SPTAN1: variants seen among roughly 807,000 people sequenced by gnomAD.
SPTAN1 encodes spectrin alpha, non-erythrocytic 1.
A neutral mutation model predicts 331.3 loss-of-function variants in SPTAN1; 61 were observed. That is an observed-to-expected ratio of 0.18 (90% CI 0.15 to 0.23). The LOEUF is 0.23. SPTAN1 is among the 10% of genes least tolerant of loss of function. SPTAN1 has a pLI of 1.00. For missense variants in SPTAN1, 2,043 were observed against 3,147.9 expected (o/e 0.65, Z 8.40); for synonymous variants, 1,153 against 1,173.9 (o/e 0.98, Z 0.36).
chr9:128,576,772 G>A (rs776108784), intron 5 of SPTAN1, 51 bp from the exon 6 acceptor site: 1 of 1,607,936 alleles, frequency 6.2e-7, no homozygotes, highest in South Asian at 1.1e-5. Context: ...GTAACTAGTT[G>A]GAGGAGCCAG....
Position 128,582,686 on chromosome 9 carries a change from T to A in SPTAN1, c.1651-8T>A. 1.2e-6 allele frequency: 2 copies of A among 1,612,946 alleles called. No homozygotes were observed. Among genetic ancestry groups the A allele is most frequent in the Non-Finnish European group, 1.7e-6 (2 of 1,180,028 alleles). Reference sequence around the variant, plus strand: ...ACTAGAGACTCACAGGGGATCCTTGTCTTTCAGCTGTTGAGCCGCCGCAAT... The same window carrying A: ...ACTAGAGACTCACAGGGGATCCTTGACTTTCAGCTGTTGAGCCGCCGCAAT... On this transcript the variant is annotated splice_region_variant and splice_polypyrimidine_tract_variant and intron_variant, in intron 13 of 56. Coordinates refer to ENST00000372739, the MANE Select transcript of SPTAN1 (RefSeq NM_001130438.3).
chr9:128,614,376 G>C (rs1019484624), intron 40 of SPTAN1, among the ~76,000 whole-genome samples: 1 of 152,114 alleles, frequency 6.6e-6, no homozygotes, highest in Non-Finnish European at 1.5e-5. Context: ...TGGATCGCCT[G>C]AGCTCAGGAG....
Position 128,612,384 on chromosome 9 carries a change from G to A in SPTAN1, c.5043+138G>A, listed in dbSNP as rs192132955. The A allele has an allele frequency of 6.3e-6, 7 of 1,108,078 alleles. No individual in the cohort carries two copies. In the Admixed American group the frequency reaches 9.8e-5, roughly 15 times the overall value. 68.6% of individuals were successfully genotyped at this position (1,108,078 alleles called of 1,614,324 possible). A position where few individuals can be genotyped will look rare whatever the true frequency, so the allele number is the denominator to read the frequency against. On this transcript the variant is annotated intron_variant, in intron 39 of 56. Transcript: ENST00000372739. Reference sequence around the variant, plus strand: ...TGACAGAAACCCTTATTATATATGAGTTGCATGCTGTAAGGGATTTATGAG... The same window carrying A: ...TGACAGAAACCCTTATTATATATGAATTGCATGCTGTAAGGGATTTATGAG...
At chr9:128,584,082 T>G in intron 16 of SPTAN1, 113 bp downstream of exon 16, 1 of 1,487,976 alleles carries the variant, frequency 6.7e-7, no homozygotes, top group Non-Finnish European at 9.2e-7. Flanking sequence ...ATGTGTTGAT[T>G]TTCTTAGATC....
In SPTAN1 at chr9:128,633,622, G is replaced by T; in HGVS notation, c.*288G>T. Reference sequence around the variant, plus strand: ...CTCTCTCCCACCCTCCCCCAAATCTGTTTTCATGTAAAAGACAAATAAATG... The same window carrying T: ...CTCTCTCCCACCCTCCCCCAAATCTTTTTTCATGTAAAAGACAAATAAATG... On this transcript the variant is annotated 3_prime_UTR_variant, in exon 57 of 57. Coordinates refer to ENST00000372739, the MANE Select transcript of SPTAN1 (RefSeq NM_001130438.3). 7.8e-7 allele frequency: 1 copy of T among 1,282,108 alleles called. No individual in the cohort carries two copies. 79.4% of individuals were successfully genotyped at this position (1,282,108 alleles called of 1,614,324 possible). A position where few individuals can be genotyped will look rare whatever the true frequency, so the allele number is the denominator to read the frequency against.
At position 128,613,488 on chromosome 9, in the gene SPTAN1, A is replaced by C; in HGVS notation, c.5148+3A>C. ...AAGCAGATATATCTGCCCATGAGGT[A>C]AGCAAAGGGAGGCGGGCCAGGCCCG... is the stretch of plus-strand genomic sequence containing the variant. On this transcript the variant is annotated splice_donor_region_variant and intron_variant, in intron 40 of 56. Transcript: ENST00000372739. 1.2e-6 allele frequency: 2 copies of C among 1,613,806 alleles called. No homozygotes were observed. Among genetic ancestry groups the C allele is most frequent in the African/African-American group, 2.7e-5 (2 of 75,064 alleles).
intron 1 of SPTAN1, among the ~76,000 whole-genome samples, chr9:128,562,174 C>T (rs911476283): frequency 6.6e-6 from 1 of 152,090 alleles, no homozygotes; most frequent in Non-Finnish European, 1.5e-5. Flanking sequence ...GCGATCTGGG[C>T]TCATCACAAC....
chr9:128,586,886 C>T (rs113649663), intron 19 of SPTAN1, among the ~76,000 whole-genome samples: 3,884 of 151,234 alleles, frequency 0.026, 73 homozygotes, highest in Middle Eastern at 0.048. Flanking sequence ...GGCATGATCT[C>T]GGATAACTGC....
chr9:128,595,852 TTA>T (rs1230397519), intron 24 of SPTAN1: 1 of 152,150 alleles, frequency 6.6e-6, no homozygotes, highest in Non-Finnish European at 1.5e-5. Context: ...TTTCTTTTAT[TTA>T]TTTATTTTTT....
intron 49 of SPTAN1, 62 bp downstream of exon 49, chr9:128,626,749 C>G: frequency 6.7e-7 from 1 of 1,500,530 alleles, no homozygotes; most frequent in Non-Finnish European, 9.0e-7. Context: ...GGGCCCTGCT[C>G]AGAGCCCACA....
At chr9:128,626,739 G>A in intron 49 of SPTAN1, 52 bp downstream of exon 49, 6 of 1,549,032 alleles carry the variant, frequency 3.9e-6, no homozygotes, top group Non-Finnish European at 2.6e-6. Flanking sequence ...AGCCCTCTCT[G>A]GGCCCTGCTC....
chr9:128,593,140 A>G, intron 23 of SPTAN1, 98 bp downstream of exon 23: 1 of 1,353,478 alleles, frequency 7.4e-7, no homozygotes, highest in Non-Finnish European at 1.0e-6. Flanking sequence ...CCATCCAGAA[A>G]GATGAGGTGG....
rs1851162802 is a variant in SPTAN1 at position 128,575,143 on chromosome 9, G to A, written c.505-56G>A. 3 of 1,609,790 alleles carry A rather than the reference G, an allele frequency of 1.9e-6. No individual in the cohort carries two copies. In the South Asian group the frequency reaches 3.3e-5, roughly 18 times the overall value. The stretch of plus-strand genomic sequence containing the variant: ...ATGTGTCTGTTTGATGTTTCTGGAA[G>A]CCATTGTTAACAAATGTTGGTTGGT... On this transcript the variant is annotated intron_variant, in intron 4 of 56. Transcript: ENST00000372739.
chr9:128,592,277 C>CT (rs66475636), intron 22 of SPTAN1, among the ~76,000 whole-genome samples: 68 of 138,930 alleles, frequency 4.9e-4, no homozygotes, highest in African/African-American at 1.5e-3. Context: ...GGTTTGTGTT[C>CT]TTTTTTTTTT....
chr9:128,586,586 CACAT>C (rs892274504), intron 19 of SPTAN1, among the ~76,000 whole-genome samples: 2 of 152,264 alleles, frequency 1.3e-5, no homozygotes, highest in African/African-American at 2.4e-5. Context: ...CCAACATGCA[CACAT>C]ACATATATAC....
chr9:128,630,696 T>TTTTG (rs528914856), intron 52 of SPTAN1: 1 of 314,324 alleles, frequency 3.2e-6, no homozygotes, highest in Non-Finnish European at 6.1e-6. Context: ...TTTGGCTAAT[T>TTTTG]TTTGTTTATT....
intron 1 of SPTAN1, 46 bp from the exon 2 acceptor site, chr9:128,566,692 T>C (rs1458520870): frequency 2.5e-6 from 4 of 1,613,432 alleles, no homozygotes; most frequent in Non-Finnish European, 3.4e-6. Flanking sequence ...TTTTCATCTA[T>C]TTTGGTGCCT....
intron 27 of SPTAN1, among the ~76,000 whole-genome samples, chr9:128,600,903 TCTGC>T: frequency 6.6e-6 from 1 of 150,618 alleles, no homozygotes; most frequent in Middle Eastern, 3.5e-3. Flanking sequence ...CCTCAGGTGA[TCTGC>T]CTGCCTCAGC....
intron 15 of SPTAN1, 82 bp from the exon 16 acceptor site, chr9:128,583,706 A>G: frequency 6.9e-7 from 1 of 1,450,276 alleles, no homozygotes; most frequent in Non-Finnish European, 9.7e-7. Flanking sequence ...ATAGTCCTTC[A>G]CTAAGATACT....
Sources: gnomAD v4.1 joint callset for allele counts (sites outside exome capture counted in the v4.1 genomes callset) on GRCh38, gnomAD v4.1.1 for gene constraint, MANE v1.5 for transcripts, NCBI Gene and HGNC (gene_info 2026-07-23, HGNC 2026-07-21) for gene names.